The following AK4 variants were observed in gnomAD, a reference collection of about 807,000 sequenced individuals.
AK4 encodes adenylate kinase 4, mitochondrial.
A neutral mutation model predicts 24.6 loss-of-function variants in AK4; 13 were observed. The observed-to-expected ratio is 0.53, with a 90% CI of 0.34 to 0.84. The LOEUF is 0.84. Ranked by LOEUF, AK4 falls within the 40% of genes least tolerant of loss-of-function variation. The pLI, the probability that AK4 is intolerant of heterozygous loss-of-function variation, is 0.01. For synonymous variants in AK4, 88 were observed against 107.0 expected (o/e 0.82, Z 1.10); for missense variants, 192 against 288.2 (o/e 0.67, Z 2.42).
intron 2 of AK4, among the ~76,000 whole-genome samples, chr1:65,196,224 A>C (rs1036278668): frequency 3.3e-5 from 5 of 152,168 alleles, no homozygotes; most frequent in Admixed American, 3.3e-4. Flanking sequence ...GAAAGGTCGA[A>C]AAAGGCATTC....
intron 1 of AK4, among the ~76,000 whole-genome samples, chr1:65,180,796 G>A (rs188254616): frequency 8.5e-5 from 13 of 152,232 alleles, no homozygotes; most frequent in East Asian, 3.9e-4. Context: ...CTTGAGATGC[G>A]TGTATGTGTG....
chr1:65,160,704 C>G (rs1238451382), intron 1 of AK4, among the ~76,000 whole-genome samples: 1 of 152,120 alleles, frequency 6.6e-6, no homozygotes, highest in Non-Finnish European at 1.5e-5. Flanking sequence ...AAGCAGTACT[C>G]CTGTCTCATC....
chr1:65,210,955 C>T (rs1054532959), intron 2 of AK4, among the ~76,000 whole-genome samples: 3 of 152,160 alleles, frequency 2.0e-5, no homozygotes, highest in African/African-American at 7.2e-5. Flanking sequence ...AGGCAGCTTG[C>T]CTCTGGATCT....
At chr1:65,166,170 G>A (rs1473902987) in intron 1 of AK4, among the ~76,000 whole-genome samples, 1 of 152,172 alleles carries the variant, frequency 6.6e-6, no homozygotes, top group Non-Finnish European at 1.5e-5. Context: ...GGTCGTCTGT[G>A]TAAAATGCCT....
chr1:65,225,439 G>A (rs1054578599), intron 4 of AK4, among the ~76,000 whole-genome samples: 2 of 152,174 alleles, frequency 1.3e-5, no homozygotes, highest in Non-Finnish European at 2.9e-5. Context: ...TCTAGGGCAC[G>A]CAGGCCAATG....
chr1:65,196,759 C>T (rs951241126), intron 2 of AK4, among the ~76,000 whole-genome samples: 1 of 152,144 alleles, frequency 6.6e-6, no homozygotes, highest in Admixed American at 6.5e-5. Flanking sequence ...AGCCACTGCA[C>T]CTGGCTAATT....
chr1:65,201,785 A>G (rs1490222321), intron 2 of AK4, among the ~76,000 whole-genome samples: 1 of 152,184 alleles, frequency 6.6e-6, no homozygotes, highest in East Asian at 1.9e-4. Context: ...TGACACCCAG[A>G]ACCATAATTG....
intron 2 of AK4, among the ~76,000 whole-genome samples, chr1:65,213,665 A>G (rs1353567551): frequency 6.6e-6 from 1 of 152,178 alleles, no homozygotes; most frequent in Non-Finnish European, 1.5e-5. Flanking sequence ...TATACATTTG[A>G]CAGGGATTGT....
chr1:65,170,389 A>C (rs59147046), intron 1 of AK4, among the ~76,000 whole-genome samples: 19,864 of 151,216 alleles, frequency 0.13, 1,792 homozygotes, highest in African/African-American at 0.27. Flanking sequence ...CACACACACA[A>C]AAAAAATCAG....
chr1:65,148,111 G>C (rs1649625908), upstream of AK4: 1 of 442,492 alleles, frequency 2.3e-6, no homozygotes, highest in Non-Finnish European at 3.7e-6. Flanking sequence ...GGCAGGGCGG[G>C]GCACGGCGCG....
chr1:65,159,996 G>C (rs1201210552), intron 1 of AK4, among the ~76,000 whole-genome samples: 1 of 149,122 alleles, frequency 6.7e-6, no homozygotes, highest in African/African-American at 2.5e-5. Flanking sequence ...AAAAAGTTGA[G>C]TGACAAATAT....
intron 1 of AK4, among the ~76,000 whole-genome samples, chr1:65,162,942 C>T (rs1444790690): frequency 2.6e-5 from 4 of 152,142 alleles, no homozygotes; most frequent in Non-Finnish European, 5.9e-5. Context: ...CAAGGTTTAT[C>T]TATATTGTAG....
intron 3 of AK4, 105 bp downstream of exon 3, chr1:65,219,031 A>C: frequency 1.2e-6 from 1 of 802,258 alleles, no homozygotes; most frequent in Non-Finnish European, 1.8e-6. Context: ...AAAAGAACAA[A>C]TCTACATGAC....
intron 3 of AK4, among the ~76,000 whole-genome samples, chr1:65,223,448 C>T (rs1348046580): frequency 6.6e-6 from 1 of 151,936 alleles, no homozygotes; most frequent in African/African-American, 2.4e-5. Flanking sequence ...CTTGGCCTCC[C>T]AAAGTGCTGA....
chr1:65,221,124 T>C (rs1182753051), intron 3 of AK4, among the ~76,000 whole-genome samples: 3 of 152,238 alleles, frequency 2.0e-5, no homozygotes, highest in African/African-American at 4.8e-5. Flanking sequence ...TAAAGAATTA[T>C]TGTTTTTTTG....
At chr1:65,176,863 G>C (rs1341816904) in intron 1 of AK4, among the ~76,000 whole-genome samples, 1 of 152,168 alleles carries the variant, frequency 6.6e-6, no homozygotes, top group Non-Finnish European at 1.5e-5. Context: ...CATTGCCTCA[G>C]TATGAAGCCA....
intron 3 of AK4, among the ~76,000 whole-genome samples, chr1:65,220,475 CT>C (rs1451007032): frequency 6.6e-6 from 1 of 152,068 alleles, no homozygotes; most frequent in East Asian, 1.9e-4. Flanking sequence ...AAGTGTTTTT[CT>C]TTTTTATTTT....
At chr1:65,155,162 G>T (rs1044978783) in intron 1 of AK4, among the ~76,000 whole-genome samples, 1 of 151,962 alleles carries the variant, frequency 6.6e-6, no homozygotes, top group South Asian at 2.1e-4. Flanking sequence ...CATAGGGAGC[G>T]TTTTAAACGT....
At chr1:65,172,640 A>G (rs1416433575) in intron 1 of AK4, among the ~76,000 whole-genome samples, 2 of 152,108 alleles carry the variant, frequency 1.3e-5, no homozygotes, top group African/African-American at 2.4e-5. Context: ...ATATCCAGGA[A>G]CTCATATATT....
Sources: gnomAD v4.1 joint callset for allele counts (sites outside exome capture counted in the v4.1 genomes callset) on GRCh38, gnomAD v4.1.1 for gene constraint, MANE v1.5 for transcripts, NCBI Gene and HGNC (gene_info 2026-07-23, HGNC 2026-07-21) for gene names.